The following LMO7 variants were observed in gnomAD, a reference collection of about 807,000 sequenced individuals.
LMO7 encodes the protein LIM domain only protein 7.
In LMO7, 120 loss-of-function variants were observed where a neutral mutation model predicts 206.5. The observed-to-expected ratio is 0.58, with a 90% confidence interval of 0.50 to 0.68. The LOEUF (loss-of-function observed/expected upper bound fraction) is 0.68. Among genes scored for constraint, LMO7 ranks in the 30% least tolerant of loss-of-function variants. The pLI, the probability that LMO7 is intolerant of heterozygous loss-of-function variation, is 0.00. For synonymous variants in LMO7, 706 were observed against 681.5 expected (o/e 1.04, Z -0.56); for missense variants, 1,959 against 1,957.9 (o/e 1.00, Z -0.01).
At chr13:75,847,157 A>G (rs2060070497) in intron 26 of LMO7, among the ~76,000 whole-genome samples, 2 of 152,214 alleles carry the variant, frequency 1.3e-5, no homozygotes, top group South Asian at 2.1e-4. Flanking sequence ...GTGGAAGATG[A>G]ACCAAGGCAT....
chr13:75,852,946 GA>G, intron 27 of LMO7, 145 bp from the exon 28 acceptor site: 1 of 652,996 alleles, frequency 1.5e-6, no homozygotes, highest in Non-Finnish European at 2.6e-6. Flanking sequence ...ATACATCAAG[GA>G]ACATCTGTAT....
At chr13:75,649,804 C>T (rs144313717) in intron 1 of LMO7, among the ~76,000 whole-genome samples, 88 of 152,304 alleles carry the variant, frequency 5.8e-4, no homozygotes, top group African/African-American at 1.9e-3. Context: ...CTGAAAGACT[C>T]ATTATCATCT....
rs775209616 is a variant in LMO7 at position 75,855,301 on chromosome 13, T to G, written c.4703T>G (p.Ile1568Ser). ...CGCATATGCTCCTACTGCAATAACA[T>G]TCTGGGCAAAGGAGCCGCCATGATC... ...GKRICSYCNN[I>S]LGKGAAMIIE... The change falls in exon 29 of 31, where the codon ATT (isoleucine) becomes AGT (serine). Residue 1568 changes from isoleucine to serine, a missense_variant. Physicochemically the swap from Ile to Ser is moderately radical, Grantham distance 142. Coordinates refer to ENST00000377534, the MANE Select transcript of LMO7 (RefSeq NM_001306080.2). 2.5e-5 allele frequency: 41 copies of G among 1,613,912 alleles called. No individual in the cohort carries two copies. In the Admixed American group the frequency reaches 6.5e-4, roughly 26 times the overall value.
intron 3 of LMO7, among the ~76,000 whole-genome samples, chr13:75,760,112 A>C (rs1288143518): frequency 6.6e-6 from 1 of 151,940 alleles, no homozygotes; most frequent in African/African-American, 2.4e-5. Context: ...CTGGTAACCA[A>C]ATGTATGTCT....
intron 1 of LMO7, among the ~76,000 whole-genome samples, chr13:75,647,088 T>A (rs1486900512): frequency 6.6e-6 from 1 of 152,104 alleles, no homozygotes; most frequent in African/African-American, 2.4e-5. Flanking sequence ...TGTGTGTGTC[T>A]ATGTGTATTT....
intron 1 of LMO7, among the ~76,000 whole-genome samples, chr13:75,675,890 A>G (rs1052328029): frequency 1.0e-4 from 3 of 29,238 alleles, no homozygotes; most frequent in African/African-American, 2.0e-4. Context: ...ACGAGCGTGC[A>G]CACACACACA....
chr13:75,848,370 C>T (rs1203313467), intron 26 of LMO7, among the ~76,000 whole-genome samples: 1 of 152,188 alleles, frequency 6.6e-6, no homozygotes, highest in African/African-American at 2.4e-5. Flanking sequence ...CCAATCTCAT[C>T]CAGGTTGCTG....
intron 1 of LMO7, among the ~76,000 whole-genome samples, chr13:75,657,953 C>A (rs1594103255): frequency 6.6e-6 from 1 of 152,182 alleles, no homozygotes; most frequent in East Asian, 1.9e-4. Flanking sequence ...ATATATCCTT[C>A]TGATGCCTTT....
intron 3 of LMO7, among the ~76,000 whole-genome samples, chr13:75,728,765 C>T (rs1463587589): frequency 2.2e-4 from 30 of 135,552 alleles, no homozygotes; most frequent in Admixed American, 3.6e-4. Context: ...TTAGGTCTAA[C>T]GTTTAAGTCT....
chr13:75,779,942 C>T (rs2051066119), intron 4 of LMO7, among the ~76,000 whole-genome samples: 1 of 151,998 alleles, frequency 6.6e-6, no homozygotes, highest in African/African-American at 2.4e-5. Flanking sequence ...CCGGGGGAGA[C>T]ATCACATGTT....
intron 1 of LMO7, among the ~76,000 whole-genome samples, chr13:75,653,058 A>G (rs1477519687): frequency 2.0e-5 from 3 of 152,162 alleles, no homozygotes; most frequent in Non-Finnish European, 4.4e-5. Flanking sequence ...GCTTTTCCCT[A>G]CACTCTTTCA....
At chr13:75,850,700 T>A (rs1343305635) in intron 27 of LMO7, among the ~76,000 whole-genome samples, 2 of 152,326 alleles carry the variant, frequency 1.3e-5, no homozygotes, top group East Asian at 3.9e-4. Context: ...GCTGGGACAC[T>A]TGAGCAGCTG....
chr13:75,676,680 C>T (rs1232771412), intron 1 of LMO7, among the ~76,000 whole-genome samples: 1 of 152,206 alleles, frequency 6.6e-6, no homozygotes, highest in Non-Finnish European at 1.5e-5. Flanking sequence ...CCTCGTTTCA[C>T]TAGCTAACAA....
intron 2 of LMO7, chr13:75,623,420 G>T (rs559648548): frequency 3.9e-4 from 265 of 678,404 alleles, no homozygotes; most frequent in Non-Finnish European, 2.2e-4. Context: ...GTGGAGTGCA[G>T]TGGTGCCATC....
At chr13:75,801,288 T>C (rs754466405) in intron 7 of LMO7, among the ~76,000 whole-genome samples, 8 of 152,044 alleles carry the variant, frequency 5.3e-5, no homozygotes, top group Non-Finnish European at 8.8e-5. Context: ...TCCTTGGCTT[T>C]TTTCAAAAGA....
intron 15 of LMO7, among the ~76,000 whole-genome samples, chr13:75,824,082 T>C (rs1259723684): frequency 6.6e-6 from 1 of 152,130 alleles, no homozygotes; most frequent in Non-Finnish European, 1.5e-5. Context: ...GTGATATGAG[T>C]GTATGGAGAC....
chr13:75,694,946 C>T (rs1246296425), intron 1 of LMO7, among the ~76,000 whole-genome samples: 1 of 152,118 alleles, frequency 6.6e-6, no homozygotes, highest in Non-Finnish European at 1.5e-5. Context: ...TCAACCTTCA[C>T]AGTTTCGAGG....
chr13:75,703,488 G>C (rs1702519023), intron 1 of LMO7, among the ~76,000 whole-genome samples: 1 of 152,188 alleles, frequency 6.6e-6, no homozygotes, highest in African/African-American at 2.4e-5. Context: ...CTCAAGTCCA[G>C]TAACCTTGTT....
intron 4 of LMO7, among the ~76,000 whole-genome samples, chr13:75,779,427 A>G (rs2050990143): frequency 6.6e-6 from 1 of 152,202 alleles, no homozygotes; most frequent in Non-Finnish European, 1.5e-5. Flanking sequence ...AATTGATTGC[A>G]ATCAATGTAA....
Sources: gnomAD v4.1 joint callset for allele counts (sites outside exome capture counted in the v4.1 genomes callset) on GRCh38, gnomAD v4.1.1 for gene constraint, MANE v1.5 for transcripts, NCBI Gene and HGNC (gene_info 2026-07-23, HGNC 2026-07-21) for gene names.